The following UNC5D variants were observed in gnomAD, a reference collection of about 807,000 sequenced individuals.
UNC5D encodes the protein unc-5 netrin receptor D.
In UNC5D, 39 loss-of-function variants were observed where a neutral mutation model predicts 105.4. That is an observed-to-expected ratio of 0.37 (90% CI 0.29 to 0.48). The LOEUF is 0.48. UNC5D is among the 20% of genes least tolerant of loss of function. The pLI, the probability that UNC5D is intolerant of heterozygous loss-of-function variation, is 0.98. For missense variants in UNC5D, 991 were observed against 1,202.4 expected, an observed-to-expected ratio of 0.82 and a Z score of 2.60; for synonymous variants, 452 against 450.4, an observed-to-expected ratio of 1.00 and a Z score of -0.04.
At chr8:35,307,165 G>A (rs1385745258) in intron 1 of UNC5D, among the ~76,000 whole-genome samples, 3 of 152,104 alleles carry the variant, frequency 2.0e-5, no homozygotes, top group Non-Finnish European at 2.9e-5. Flanking sequence ...GAAAGTTTAC[G>A]AATTTTTGTT....
chr8:35,644,926 C>A (rs1366426118), intron 4 of UNC5D, among the ~76,000 whole-genome samples: 1 of 152,048 alleles, frequency 6.6e-6, no homozygotes, highest in Non-Finnish European at 1.5e-5. Context: ...GATATTGATT[C>A]TTTTATAATA....
At position 35,453,620 on chromosome 8, in the gene UNC5D, T is replaced by A. The variant is rs1021749160; in HGVS notation, c.104-95672T>A. 2.6e-5 allele frequency among the ~76,000 whole-genome samples: 4 copies of A among 152,208 alleles called. No individual in the cohort carries two copies. In the South Asian group the frequency reaches 8.3e-4, roughly 32 times the overall value. On this transcript the variant is annotated intron_variant, in intron 1 of 16. Coordinates refer to ENST00000404895, the MANE Select transcript of UNC5D (RefSeq NM_080872.4). ...GGAACAGGGAAAAGAGAAGAGAAAG[T>A]CCTCTGGCATTTTCTCAGTTAATTT...
intron 4 of UNC5D, among the ~76,000 whole-genome samples, chr8:35,639,549 C>T (rs77596880): frequency 6.8e-4 from 104 of 152,142 alleles, no homozygotes; most frequent in East Asian, 6.4e-3. Flanking sequence ...CTGCGGGGTA[C>T]TGTAATATTA....
chr8:35,343,437 C>A (rs978841858), intron 1 of UNC5D, among the ~76,000 whole-genome samples: 1 of 151,990 alleles, frequency 6.6e-6, no homozygotes, highest in African/African-American at 2.4e-5. Flanking sequence ...ATATTGAATA[C>A]TTTCATTGTA....
intron 4 of UNC5D, among the ~76,000 whole-genome samples, chr8:35,598,521 A>G (rs1164743338): frequency 6.6e-6 from 1 of 152,190 alleles, no homozygotes; most frequent in Non-Finnish European, 1.5e-5. Context: ...TAGAGCTACC[A>G]CTTGATCCAG....
intron 1 of UNC5D, among the ~76,000 whole-genome samples, chr8:35,393,339 T>C (rs907810338): frequency 1.5e-4 from 23 of 151,688 alleles, no homozygotes; most frequent in Admixed American, 1.5e-3. Context: ...TTCACCGTGT[T>C]AGCCAGGATG....
intron 1 of UNC5D, among the ~76,000 whole-genome samples, chr8:35,305,577 T>TTTCTTTCTTTCTCTTTCTTTCTTTC (rs1808284926): frequency 7.4e-5 from 4 of 53,996 alleles, no homozygotes; most frequent in African/African-American, 2.6e-4. Context: ...CTTTCTTTCT[T>TTTCTTTCTTTCTCTTTCTTTCTTTC]TTTCTTTCTT....
chr8:35,712,821 A>G (rs571880368), intron 8 of UNC5D, among the ~76,000 whole-genome samples: 3 of 152,320 alleles, frequency 2.0e-5, no homozygotes, highest in Admixed American at 6.5e-5. Context: ...AAAGATTTCT[A>G]GGCTCTCCTA....
chr8:35,271,981 C>A (rs1805437396), intron 1 of UNC5D, among the ~76,000 whole-genome samples: 1 of 151,896 alleles, frequency 6.6e-6, no homozygotes, highest in African/African-American at 2.4e-5. Flanking sequence ...TGGATGGGAG[C>A]TCTTTTTAGC....
At chr8:35,335,346 T>G (rs907956010) in intron 1 of UNC5D, among the ~76,000 whole-genome samples, 2 of 152,236 alleles carry the variant, frequency 1.3e-5, no homozygotes, top group Admixed American at 6.5e-5. Context: ...TGCCTGGCTT[T>G]AAATTTCTGT....
intron 7 of UNC5D, among the ~76,000 whole-genome samples, chr8:35,697,856 C>T (rs1826899828): frequency 6.6e-6 from 1 of 152,094 alleles, no homozygotes; most frequent in Non-Finnish European, 1.5e-5. Context: ...AGTCAAGGGT[C>T]CTCAATTTAC....
intron 1 of UNC5D, among the ~76,000 whole-genome samples, chr8:35,388,898 G>A (rs1166900330): frequency 6.6e-6 from 1 of 152,088 alleles, no homozygotes; most frequent in African/African-American, 2.4e-5. Context: ...TTAACTTTTA[G>A]GGATGAAAAA....
chr8:35,260,330 A>G (rs1416734446), intron 1 of UNC5D, among the ~76,000 whole-genome samples: 2 of 152,144 alleles, frequency 1.3e-5, no homozygotes, highest in East Asian at 3.9e-4. Flanking sequence ...GGTGCTTACT[A>G]CAAGCAGCTA....
chr8:35,646,549 T>C (rs1823064522), intron 4 of UNC5D, among the ~76,000 whole-genome samples: 1 of 152,136 alleles, frequency 6.6e-6, no homozygotes, highest in South Asian at 2.1e-4. Flanking sequence ...TATTTGTCTG[T>C]AATGCTCTAG....
intron 4 of UNC5D, among the ~76,000 whole-genome samples, chr8:35,611,536 T>A (rs776065707): frequency 1.9e-4 from 29 of 152,236 alleles, no homozygotes; most frequent in Non-Finnish European, 3.4e-4. Flanking sequence ...CTGGCTTAGA[T>A]AACTTATAAT....
chr8:35,783,539 C>A (rs1802605433), intron 16 of UNC5D, among the ~76,000 whole-genome samples: 1 of 152,104 alleles, frequency 6.6e-6, no homozygotes. Flanking sequence ...TGGGCGGACT[C>A]CAGCTGGAAG....
intron 16 of UNC5D, among the ~76,000 whole-genome samples, chr8:35,787,398 T>G (rs1563763424): frequency 6.6e-6 from 1 of 152,176 alleles, no homozygotes; most frequent in Non-Finnish European, 1.5e-5. Flanking sequence ...TGGTCATCAT[T>G]CTCATGATGG....
chr8:35,606,767 T>G (rs944695804), intron 4 of UNC5D, among the ~76,000 whole-genome samples: 7 of 152,168 alleles, frequency 4.6e-5, no homozygotes, highest in Admixed American at 3.9e-4. Flanking sequence ...AAAATACATT[T>G]TGTTTCATAA....
intron 1 of UNC5D, among the ~76,000 whole-genome samples, chr8:35,443,785 G>T (rs1807591834): frequency 6.6e-6 from 1 of 151,788 alleles, no homozygotes; most frequent in Non-Finnish European, 1.5e-5. Flanking sequence ...ATATAATATA[G>T]AATTATATTT....
Sources: gnomAD v4.1 joint callset for allele counts (sites outside exome capture counted in the v4.1 genomes callset) on GRCh38, gnomAD v4.1.1 for gene constraint, MANE v1.5 for transcripts, NCBI Gene and HGNC (gene_info 2026-07-23, HGNC 2026-07-21) for gene names.